TNR: variants seen among roughly 807,000 people sequenced by gnomAD.
TNR encodes the protein tenascin R, also known as tenascin-R.
Under a neutral mutation model 150.4 loss-of-function variants are expected in TNR, and 45 were observed. The ratio of observed to expected loss-of-function variants is 0.30; its 90% confidence interval spans 0.24 to 0.38. The LOEUF (loss-of-function observed/expected upper bound fraction) is 0.38, where lower values mean the gene tolerates loss of function less well. TNR is among the 10% of genes least tolerant of loss of function. TNR has a pLI of 1.00. For synonymous variants in TNR, 687 were observed against 678.4 expected (o/e 1.01, Z -0.20); for missense variants, 1,544 against 1,759.1 (o/e 0.88, Z 2.19).
chr1:175,427,534 C>T (rs1655047438), intron 2 of TNR, among the ~76,000 whole-genome samples: 1 of 152,236 alleles, frequency 6.6e-6, no homozygotes, highest in South Asian at 2.1e-4. Flanking sequence ...CTGGTGTCTA[C>T]AGTGTTGGGC....
intron 18 of TNR, among the ~76,000 whole-genome samples, chr1:175,341,088 G>A (rs146554749): frequency 1.7e-4 from 26 of 152,296 alleles, no homozygotes; most frequent in African/African-American, 5.3e-4. Flanking sequence ...GAACACACTG[G>A]TTCCTGTTCT....
chr1:175,394,105 G>A (rs1247362691), intron 5 of TNR, among the ~76,000 whole-genome samples: 2 of 152,218 alleles, frequency 1.3e-5, no homozygotes, highest in African/African-American at 4.8e-5. Context: ...TGGAATACAT[G>A]AGTTAACTTA....
In TNR at chr1:175,558,184, A is replaced by T. The variant is rs1220418220; in HGVS notation, c.-164-29815T>A. On this transcript the variant is annotated intron_variant, in intron 1 of 22. Coordinates refer to ENST00000367674, the MANE Select transcript of TNR (RefSeq NM_003285.3). ...TATACCTAATGCTAGATGACGAGTT[A>T]GTGGGTGCAGCGCACCAGCATGGCA... Among the ~76,000 whole-genome samples the T allele has an allele frequency of 2.1e-5, 3 of 141,944 alleles. No individual in the cohort carries two copies. The East Asian group carries it at 6.4e-4, about 30-fold the overall frequency. The allele number at this position is 141,944 out of a possible 152,430, so 93.1% of individuals were successfully genotyped here.
At chr1:175,416,660 A>G (rs777411663) in intron 2 of TNR, among the ~76,000 whole-genome samples, 5 of 152,154 alleles carry the variant, frequency 3.3e-5, no homozygotes, top group Admixed American at 6.5e-5. Context: ...GCCCAAGTTG[A>G]TGGTTTCTGT....
intron 1 of TNR, chr1:175,538,856 C>G (rs181329903): frequency 3.3e-5 from 5 of 152,334 alleles, no homozygotes; most frequent in African/African-American, 1.2e-4. Context: ...GGATTATGCT[C>G]AAGAACTTGA....
intron 1 of TNR, among the ~76,000 whole-genome samples, chr1:175,638,204 A>G (rs1664542854): frequency 6.6e-6 from 1 of 152,198 alleles, no homozygotes; most frequent in Non-Finnish European, 1.5e-5. Flanking sequence ...GCTTCTTTTT[A>G]TACAGAATCC....
At chr1:175,498,127 A>G (rs1284231313) in intron 2 of TNR, among the ~76,000 whole-genome samples, 1 of 152,214 alleles carries the variant, frequency 6.6e-6, no homozygotes, top group Non-Finnish European at 1.5e-5. Context: ...GAAAACAAAC[A>G]AACAAACACA....
chr1:175,641,684 C>T (rs746401494), intron 1 of TNR, among the ~76,000 whole-genome samples: 31 of 152,268 alleles, frequency 2.0e-4, no homozygotes, highest in Non-Finnish European at 4.0e-4. Context: ...TAAAAAAGTA[C>T]TTTTCACTAA....
intron 2 of TNR, among the ~76,000 whole-genome samples, chr1:175,430,196 C>T (rs1012466711): frequency 2.0e-5 from 3 of 152,046 alleles, no homozygotes; most frequent in African/African-American, 7.2e-5. Context: ...AATTCTATTG[C>T]ACCAACAAAT....
intron 2 of TNR, among the ~76,000 whole-genome samples, chr1:175,480,451 A>AAG (rs1380068525): frequency 9.9e-4 from 151 of 151,846 alleles, no homozygotes; most frequent in African/African-American, 3.6e-3. Flanking sequence ...AAGAGAAAGA[A>AAG]AGAAAGAAAA....
At chr1:175,717,587 A>G (rs1011840000) in intron 1 of TNR, among the ~76,000 whole-genome samples, 1 of 152,200 alleles carries the variant, frequency 6.6e-6, no homozygotes, top group Non-Finnish European at 1.5e-5. Flanking sequence ...TTTTTATCTT[A>G]GACTTTTTTT....
chr1:175,403,419 G>A lies in TNR; in HGVS notation c.697C>T (p.Leu233Phe). ...SEYSGDDCSE[L>F]RCPTDCSSRG... ...GAGCTGCAGTCTGTTGGGCACCGGA[G>A]TTCGGAACAGTCATCCCCGCTGTAC... The change falls in exon 4 of 23, where the codon CTC becomes TTC. Residue 233 changes from leucine (L) to phenylalanine (F), a missense_variant. Leu to Phe is a conservative substitution (Grantham distance 22). This residue lies in a region of TNR where 1,254 missense variants were observed against 1,329.4 expected (regional missense o/e 0.94). Coordinates refer to ENST00000367674, the MANE Select transcript of TNR (RefSeq NM_003285.3). 6.2e-7 allele frequency: 1 copy of A among 1,614,218 alleles called. No homozygotes were observed. Among genetic ancestry groups the A allele is most frequent in the South Asian group, 1.1e-5 (1 of 91,084 alleles).
At chr1:175,409,082 C>T (rs188008663) in intron 2 of TNR, among the ~76,000 whole-genome samples, 6 of 152,348 alleles carry the variant, frequency 3.9e-5, no homozygotes, top group Middle Eastern at 6.8e-3. Flanking sequence ...TACTCGCCTT[C>T]TCACTTTCAG....
chr1:175,491,789 A>C (rs1030856636), intron 2 of TNR, among the ~76,000 whole-genome samples: 1 of 151,676 alleles, frequency 6.6e-6, no homozygotes, highest in African/African-American at 2.4e-5. Flanking sequence ...CGCTGGGACT[A>C]TAGGCACCCA....
intron 1 of TNR, among the ~76,000 whole-genome samples, chr1:175,593,712 ACT>A (rs1662897189): frequency 6.6e-6 from 1 of 151,812 alleles, no homozygotes; most frequent in African/African-American, 2.4e-5. Context: ...TCTTCACCAG[ACT>A]CTGTCCCCTC....
chr1:175,387,211 A>G (rs149683240), intron 7 of TNR, among the ~76,000 whole-genome samples: 18 of 152,354 alleles, frequency 1.2e-4, no homozygotes, highest in Middle Eastern at 3.4e-3. Context: ...CAGCCAAGTG[A>G]GGAGAATAGG....
chr1:175,553,463 C>T (rs1030649268), intron 1 of TNR, among the ~76,000 whole-genome samples: 1 of 152,140 alleles, frequency 6.6e-6, no homozygotes, highest in African/African-American at 2.4e-5. Context: ...ACCACTGGGG[C>T]CCTAAAACCA....
In TNR at chr1:175,528,297, T is replaced by C. The variant is rs1659928294; in HGVS notation, c.-92A>G. On this transcript the variant is annotated 5_prime_UTR_variant, in exon 2 of 23. Transcript: ENST00000367674. ...TTGTGATGGTGTCTTCGATGCTTTC[T>C]CTTTACTGCACTTTCTTTAATCCTA... is the stretch of plus-strand genomic sequence containing the variant. 6.6e-6 allele frequency: 1 copy of C among 152,372 alleles called. No homozygotes were observed. Among genetic ancestry groups the C allele is most frequent in the Admixed American group, 6.5e-5 (1 of 15,308 alleles). The allele number at this position is 152,372 out of a possible 1,614,324, so 9.4% of individuals were successfully genotyped here.
chr1:175,447,516 A>G lies in TNR; in HGVS notation c.-63-40739T>C, dbSNP rs148270302. On this transcript the variant is annotated intron_variant, in intron 2 of 22. Transcript: ENST00000367674. ...CTGCTTTTGACTCTTGATAAAGTCA[A>G]ACTTTTGGAACTTAGGAAACATTTT... 6.6e-5 allele frequency among the ~76,000 whole-genome samples: 10 copies of G among 152,292 alleles called. No homozygotes were observed. The East Asian group carries it at 1.9e-3, about 29-fold the overall frequency.
Sources: gnomAD v4.1 joint callset for allele counts (sites outside exome capture counted in the v4.1 genomes callset) on GRCh38, gnomAD v4.1.1 for gene constraint, gnomAD v4.1.1 regional missense constraint, MANE v1.5 for transcripts, NCBI Gene and HGNC (gene_info 2026-07-23, HGNC 2026-07-21) for gene names.